Variants in LIFR observed in about 807,000 individuals in gnomAD.
LIFR encodes leukemia inhibitory factor receptor.
A neutral mutation model predicts 122.2 loss-of-function variants in LIFR; 84 were observed. The observed-to-expected ratio is 0.69, with a 90% CI of 0.58 to 0.82. The LOEUF (loss-of-function observed/expected upper bound fraction) is 0.82, where lower values mean the gene tolerates loss of function less well. Among genes scored for constraint, LIFR ranks in the 40% least tolerant of loss-of-function variants. LIFR has a pLI of 0.00. For missense variants in LIFR, 1,294 were observed against 1,311.6 expected, an observed-to-expected ratio of 0.99 and a Z score of 0.21; for synonymous variants, 422 against 434.7, an observed-to-expected ratio of 0.97 and a Z score of 0.36.
intron 1 of LIFR, among the ~76,000 whole-genome samples, chr5:38,534,009 A>G (rs1468650609): frequency 6.6e-6 from 1 of 152,230 alleles, no homozygotes; most frequent in Non-Finnish European, 1.5e-5. Flanking sequence ...ACTACTGTAA[A>G]GGTAAATAAG....
In LIFR at chr5:38,514,308, A is replaced by G. The variant is rs75580357; in HGVS notation, c.562-2344T>C. On this transcript the variant is annotated intron_variant, in intron 5 of 19. Transcript: ENST00000453190. Reference sequence around the variant, plus strand: ...GTGTTTTTAGACTGACAGGGGCCCAATGAGTGTCCAGAAGAACAGATAAAG... The same window carrying G: ...GTGTTTTTAGACTGACAGGGGCCCAGTGAGTGTCCAGAAGAACAGATAAAG... Among the ~76,000 whole-genome samples, 357 of 152,246 alleles carry G rather than the reference A, an allele frequency of 2.3e-3. 13 individuals carry two copies. In the East Asian group the frequency reaches 0.063, roughly 27 times the overall value.
chr5:38,586,369 TATA>T lies in LIFR; in HGVS notation c.-20+8889_-20+8891del, dbSNP rs201942845. ...TTGGAAATAAAAGAAGTCTCACACT[TATA>T]ATGTTTAAATAAAAGAAGATACAAG... On this transcript the variant is annotated intron_variant, in intron 1 of 19. Transcript: ENST00000263409. 7.8e-3 allele frequency among the ~76,000 whole-genome samples: 1,181 copies of T among 152,052 alleles called. 15 individuals carry two copies. The highest frequency in any genetic ancestry group is 0.026 in the African/African-American group (1,100 of 41,526).
intron 1 of LIFR, among the ~76,000 whole-genome samples, chr5:38,536,886 C>T (rs888334131): frequency 1.3e-5 from 2 of 152,182 alleles, no homozygotes; most frequent in African/African-American, 4.8e-5. Flanking sequence ...AAATCTATCA[C>T]TGTGCATAAT....
chr5:38,592,895 A>G (rs564877332), intron 1 of LIFR, among the ~76,000 whole-genome samples: 8 of 152,074 alleles, frequency 5.3e-5, no homozygotes, highest in African/African-American at 1.7e-4. Flanking sequence ...TTTCCTGATT[A>G]GCCAGGAAAG....
upstream of LIFR, among the ~76,000 whole-genome samples, chr5:38,598,384 T>A (rs1750161015): frequency 2.0e-5 from 3 of 151,478 alleles, no homozygotes; most frequent in Admixed American, 2.0e-4. Context: ...GTAGCTGGAA[T>A]TACAGGCATG....
chr5:38,558,810 A>G (rs1453556053), upstream of LIFR: 3 of 152,212 alleles, frequency 2.0e-5, no homozygotes, highest in Non-Finnish European at 4.4e-5. Context: ...TCACGAGAAC[A>G]ACACGGGAAA....
chr5:38,572,633 G>A (rs1338908842), intron 1 of LIFR, among the ~76,000 whole-genome samples: 1 of 152,106 alleles, frequency 6.6e-6, no homozygotes, highest in Non-Finnish European at 1.5e-5. Flanking sequence ...GCCTGAAGGG[G>A]GGTCAGAATA....
chr5:38,579,919 A>G (rs1389365952), intron 1 of LIFR, among the ~76,000 whole-genome samples: 2 of 152,220 alleles, frequency 1.3e-5, no homozygotes, highest in South Asian at 2.1e-4. Context: ...TGGAGAACAC[A>G]TAAGAGGTGA....
At chr5:38,529,947 A>C (rs868006703) in intron 2 of LIFR, among the ~76,000 whole-genome samples, 2 of 152,234 alleles carry the variant, frequency 1.3e-5, no homozygotes, top group African/African-American at 2.4e-5. Context: ...AAACTAAACC[A>C]ACGGGCAGGA....
chr5:38,593,144 G>C (rs554773395), intron 1 of LIFR, among the ~76,000 whole-genome samples: 1 of 151,708 alleles, frequency 6.6e-6, no homozygotes, highest in Non-Finnish European at 1.5e-5. Flanking sequence ...CGGAGGTTGC[G>C]GTGAGCCGAG....
chr5:38,565,618 G>A (rs1432039031), intron 1 of LIFR, among the ~76,000 whole-genome samples: 2 of 143,400 alleles, frequency 1.4e-5, no homozygotes, highest in Non-Finnish European at 3.0e-5. Context: ...ACGGAGTTTC[G>A]CTCTTGTTGC....
At chr5:38,562,220 T>C (rs186759516) in intron 1 of LIFR, among the ~76,000 whole-genome samples, 20 of 152,298 alleles carry the variant, frequency 1.3e-4, no homozygotes, top group Admixed American at 9.8e-4. Flanking sequence ...TTACTCTTCC[T>C]CTCCTTAAGG....
intron 5 of LIFR, among the ~76,000 whole-genome samples, chr5:38,521,085 T>G (rs1408743637): frequency 6.6e-6 from 1 of 152,186 alleles, no homozygotes; most frequent in Non-Finnish European, 1.5e-5. Context: ...ATGGAATGTC[T>G]TTGTGTCCTC....
At chr5:38,604,679 C>G (rs941472197) in intron 2 of LIFR, among the ~76,000 whole-genome samples, 1 of 150,926 alleles carries the variant, frequency 6.6e-6, no homozygotes, top group Non-Finnish European at 1.5e-5. Context: ...CCAGCCTGGG[C>G]GACAGGGCAA....
chr5:38,526,966 A>G (rs888277913), intron 4 of LIFR, among the ~76,000 whole-genome samples, 189 bp downstream of exon 4: 1 of 152,168 alleles, frequency 6.6e-6, no homozygotes, highest in Non-Finnish European at 1.5e-5. Flanking sequence ...ATTCTGGGCT[A>G]TTTTGACTGG....
Position 38,484,795 on chromosome 5 carries a change from A to G in LIFR, c.2571T>C (p.Leu857=). The G allele has an allele frequency of 1.2e-6, 2 of 1,612,740 alleles. No individual in the cohort carries two copies. Among genetic ancestry groups the G allele is most frequent in the Non-Finnish European group, 1.7e-6 (2 of 1,178,756 alleles). The part of the protein sequence containing the change: ...AVIVGVVTSI[L]CYRKREWIKE... ...ATTACCATTCTCGTTTCCGATAGCA[A>G]AGGATACTTGTCACCACTCCAACAA... Residue 857 remains leucine, a synonymous_variant, in exon 18 of 20, where the codon CTT becomes CTC. Coordinates refer to ENST00000453190, the MANE Select transcript of LIFR (RefSeq NM_001127671.2).
chr5:38,516,632 T>A (rs1746099137), intron 5 of LIFR, among the ~76,000 whole-genome samples: 1 of 152,156 alleles, frequency 6.6e-6, no homozygotes, highest in African/African-American at 2.4e-5. Flanking sequence ...GTTCAACCAC[T>A]GTGGAGGACA....
At chr5:38,600,715 G>A (rs1255085600) in intron 2 of LIFR, among the ~76,000 whole-genome samples, 1 of 152,058 alleles carries the variant, frequency 6.6e-6, no homozygotes, top group African/African-American at 2.4e-5. Flanking sequence ...GAAGATTATT[G>A]TTCAAATTTC....
intron 1 of LIFR, among the ~76,000 whole-genome samples, chr5:38,593,080 G>C (rs570520485): frequency 6.6e-6 from 1 of 152,290 alleles, no homozygotes; most frequent in African/African-American, 2.4e-5. Flanking sequence ...GTGCACGCCT[G>C]TAATCCCAGC....
Sources: gnomAD v4.1 joint callset for allele counts (sites outside exome capture counted in the v4.1 genomes callset) on GRCh38, gnomAD v4.1.1 for gene constraint, MANE v1.5 for transcripts, NCBI Gene and HGNC (gene_info 2026-07-23, HGNC 2026-07-21) for gene names.